Variants in CSMD3 observed in about 807,000 individuals in gnomAD.
The protein encoded by CSMD3 is CUB and Sushi multiple domains 3.
CSMD3 carries 177 observed loss-of-function variants against 435.2 expected under a neutral mutation model. The ratio of observed to expected loss-of-function variants is 0.41; its 90% CI spans 0.36 to 0.46. CSMD3 has a LOEUF of 0.46. CSMD3 is among the 20% of genes least tolerant of loss of function. The pLI, the probability that CSMD3 is intolerant of heterozygous loss-of-function variation, is 0.34. For synonymous variants in CSMD3, 1,656 were observed against 1,520.5 expected (o/e 1.09, Z -2.07); for missense variants, 4,265 against 4,504.6 (o/e 0.95, Z 1.52).
At chr8:113,424,397 A>G (rs542210381) in intron 1 of CSMD3, among the ~76,000 whole-genome samples, 1 of 151,876 alleles carries the variant, frequency 6.6e-6, no homozygotes, top group African/African-American at 2.4e-5. Context: ...AAAGATAACA[A>G]TAACAAATGG....
intron 4 of CSMD3, among the ~76,000 whole-genome samples, chr8:113,134,357 T>TGATG (rs1356024066): frequency 6.6e-6 from 1 of 152,068 alleles, no homozygotes; most frequent in African/African-American, 2.4e-5. Context: ...TAGTGCTCTA[T>TGATG]GATGACCCAA....
intron 13 of CSMD3, among the ~76,000 whole-genome samples, chr8:112,696,710 C>T (rs945115315): frequency 4.0e-5 from 6 of 151,884 alleles, no homozygotes; most frequent in Admixed American, 1.3e-4. Context: ...GCAACAAAAG[C>T]CAAAATTGAC....
chr8:113,317,771 T>C (rs1213752008), intron 1 of CSMD3, among the ~76,000 whole-genome samples: 1 of 152,144 alleles, frequency 6.6e-6, no homozygotes, highest in Non-Finnish European at 1.5e-5. Context: ...AGGCCTTTCC[T>C]AGGCACAAGC....
At chr8:113,385,031 A>G (rs939646884) in intron 1 of CSMD3, among the ~76,000 whole-genome samples, 1 of 152,190 alleles carries the variant, frequency 6.6e-6, no homozygotes, top group Non-Finnish European at 1.5e-5. Context: ...AGGAGTTATC[A>G]GCCTGTGAAA....
chr8:112,600,030 A>G (rs1296462942), intron 22 of CSMD3, among the ~76,000 whole-genome samples: 5 of 151,934 alleles, frequency 3.3e-5, no homozygotes, highest in African/African-American at 1.2e-4. Context: ...TATAAAAAAA[A>G]GGAATAGTAC....
At chr8:112,717,637 C>T (rs938779352) in intron 13 of CSMD3, among the ~76,000 whole-genome samples, 1 of 152,066 alleles carries the variant, frequency 6.6e-6, no homozygotes, top group African/African-American at 2.4e-5. Context: ...GCATTATTTA[C>T]AATAGCAAAG....
At chr8:113,425,404 A>G (rs978038349) in intron 1 of CSMD3, among the ~76,000 whole-genome samples, 6 of 151,486 alleles carry the variant, frequency 4.0e-5, no homozygotes, top group African/African-American at 9.7e-5. Flanking sequence ...AAAGCATTAC[A>G]TAATTAGAAT....
intron 13 of CSMD3, among the ~76,000 whole-genome samples, chr8:112,736,406 A>G (rs13261301): frequency 0.22 from 33,301 of 151,966 alleles, 4,232 homozygotes; most frequent in Non-Finnish European, 0.3. Context: ...TCAGAACACA[A>G]TGGGTTCCTG....
At chr8:113,088,845 A>C (rs2089900988) in intron 5 of CSMD3, among the ~76,000 whole-genome samples, 1 of 151,972 alleles carries the variant, frequency 6.6e-6, no homozygotes, top group African/African-American at 2.4e-5. Flanking sequence ...ATGTACCCTA[A>C]AACTTAAAGT....
At chr8:112,777,264 A>G (rs993082701) in intron 13 of CSMD3, among the ~76,000 whole-genome samples, 8 of 151,898 alleles carry the variant, frequency 5.3e-5, no homozygotes, top group African/African-American at 1.9e-4. Flanking sequence ...CACAGAACAC[A>G]AACCACGGAA....
At chr8:113,411,835 A>G (rs2094561124) in intron 1 of CSMD3, among the ~76,000 whole-genome samples, 1 of 152,138 alleles carries the variant, frequency 6.6e-6, no homozygotes, top group Non-Finnish European at 1.5e-5. Context: ...ACATCATGGT[A>G]GTTTCATGAT....
In CSMD3 at chr8:112,576,301, T is replaced by C. The variant is rs1022206530; in HGVS notation, c.3886-2644A>G. ...AGCAAAAATTAATGATAGTAGAAAC[T>C]ATTACTTGATACATATAAATTTTTC... On this transcript the variant is annotated intron_variant, in intron 23 of 70. Coordinates refer to ENST00000297405, the MANE Select transcript of CSMD3 (RefSeq NM_198123.2). 1.4e-4 allele frequency among the ~76,000 whole-genome samples: 22 copies of C among 152,174 alleles called. 2 individuals carry two copies. The highest frequency in any genetic ancestry group is 1.2e-3 in the Admixed American group (19 of 15,256).
At chr8:113,168,391 C>T (rs2131863241) in intron 4 of CSMD3, among the ~76,000 whole-genome samples, 1 of 151,730 alleles carries the variant, frequency 6.6e-6, no homozygotes. Context: ...TGTGGTGGCA[C>T]ACGCCTGTTG....
chr8:113,018,147 C>A (rs2086541342), intron 6 of CSMD3, among the ~76,000 whole-genome samples: 1 of 152,032 alleles, frequency 6.6e-6, no homozygotes. Flanking sequence ...CAAATCACAT[C>A]AAGCTGTTGC....
At chr8:113,073,233 C>A (rs200799615) in intron 5 of CSMD3, among the ~76,000 whole-genome samples, 1 of 120,098 alleles carries the variant, frequency 8.3e-6, no homozygotes, top group African/African-American at 2.8e-5. Flanking sequence ...TTGGGAGACA[C>A]TTTTTCATGG....
Position 113,160,862 on chromosome 8 carries a change from A to G in CSMD3, c.709+12860T>C, listed in dbSNP as rs2131832483. Reference sequence around the variant, plus strand: ...ATTACCTAGAATTCCTCTCATTTTGAAAGAAGTCATCTGAAATATGATCCA... The same window carrying G: ...ATTACCTAGAATTCCTCTCATTTTGGAAGAAGTCATCTGAAATATGATCCA... On this transcript the variant is annotated intron_variant, in intron 4 of 70. Coordinates refer to ENST00000297405, the MANE Select transcript of CSMD3 (RefSeq NM_198123.2). Among the ~76,000 whole-genome samples, 2 of 152,180 alleles carry G rather than the reference A, an allele frequency of 1.3e-5. 1 individual carries two copies. The highest frequency in any genetic ancestry group is 4.1e-4 in the South Asian group (2 of 4,830).
chr8:112,481,903 A>G (rs972551690), intron 31 of CSMD3, among the ~76,000 whole-genome samples: 2 of 152,166 alleles, frequency 1.3e-5, no homozygotes, highest in Non-Finnish European at 2.9e-5. Flanking sequence ...CCCCTATAAC[A>G]ACACATAATT....
intron 2 of CSMD3, among the ~76,000 whole-genome samples, chr8:113,307,087 G>T (rs566323652): frequency 1.8e-4 from 28 of 151,994 alleles, no homozygotes; most frequent in African/African-American, 6.3e-4. Context: ...GACCAAGAAG[G>T]TATAAAAATA....
intron 13 of CSMD3, among the ~76,000 whole-genome samples, chr8:112,772,966 C>A (rs1243718473): frequency 6.6e-6 from 1 of 151,996 alleles, no homozygotes; most frequent in East Asian, 1.9e-4. Context: ...CGATAATGAT[C>A]AATAAATACT....
Sources: gnomAD v4.1 joint callset for allele counts (sites outside exome capture counted in the v4.1 genomes callset) on GRCh38, gnomAD v4.1.1 for gene constraint, MANE v1.5 for transcripts, NCBI Gene and HGNC (gene_info 2026-07-23, HGNC 2026-07-21) for gene names.